Variants in OBI1 observed in about 807,000 individuals in gnomAD.
The protein encoded by OBI1 is ring finger protein 219.
Under a neutral mutation model 62.4 loss-of-function variants are expected in OBI1, and 59 were observed. That is an observed-to-expected ratio of 0.95 (90% CI 0.77 to 1.17). The LOEUF is 1.17. Among genes scored for constraint, OBI1 ranks in the 50% most tolerant of loss-of-function variants. The pLI is 0.00. For synonymous variants in OBI1, 302 were observed against 292.8 expected, an observed-to-expected ratio of 1.03 and a Z score of -0.32; for missense variants, 875 against 830.9, an observed-to-expected ratio of 1.05 and a Z score of -0.65.
intron 2 of OBI1, among the ~76,000 whole-genome samples, chr13:78,644,540 C>A (rs1197430878): frequency 6.6e-6 from 1 of 152,038 alleles, no homozygotes; most frequent in East Asian, 1.9e-4. Context: ...TTATGAAGCC[C>A]TTCTCGGTGT....
At position 78,616,022 on chromosome 13, in the gene OBI1, G is replaced by A. The variant is rs1352280690; in HGVS notation, c.1739C>T (p.Pro580Leu). ...CTCAGTTTTTTCTTCCAACTTATCA[G>A]GTTCCTCAAGAAATTCACTGCCTTG... is the stretch of plus-strand genomic sequence containing the variant. Reference protein sequence around the residue: ...SSQGSEFLEEPDKLEEKTELN... With the variant: ...SSQGSEFLEELDKLEEKTELN... Residue 580 changes from proline (P) to leucine (L), a missense_variant, in exon 6 of 6, where the codon CCT (proline) becomes CTT (leucine). By Grantham distance (98) the Pro-to-Leu change is moderately conservative. Transcript: ENST00000282003. 6.2e-7 allele frequency: 1 copy of A among 1,614,120 alleles called. No homozygotes were observed. Among genetic ancestry groups the A allele is most frequent in the South Asian group, 1.1e-5 (1 of 91,080 alleles).
At chr13:78,627,621 G>A (rs1875714791) in intron 5 of OBI1, among the ~76,000 whole-genome samples, 2 of 152,104 alleles carry the variant, frequency 1.3e-5, no homozygotes, top group South Asian at 4.2e-4. Flanking sequence ...CCTTTTTATG[G>A]CTGCATAGCA....
chr13:78,638,149 G>GTAGGA (rs1252217144), intron 4 of OBI1, among the ~76,000 whole-genome samples: 1 of 152,174 alleles, frequency 6.6e-6, no homozygotes, highest in Non-Finnish European at 1.5e-5. Context: ...AGATGGTGTT[G>GTAGGA]TAGGAGTTGC....
In OBI1 at chr13:78,659,115, A is replaced by C; in HGVS notation, c.6T>G (p.Ala2=). 1.2e-6 allele frequency: 2 copies of C among 1,611,054 alleles called. No homozygotes were observed. Among genetic ancestry groups the C allele is most frequent in the Non-Finnish European group, 1.7e-6 (2 of 1,178,960 alleles). Residue 2 remains alanine (A), a synonymous_variant, in exon 1 of 6, where the codon GCT becomes GCG. Transcript: ENST00000282003. ...ACAATGTAACATTCTGCACGGTCTG[A>C]GCCATGGCAGCGTTCAGAATCCCGC... M[A]QTVQNVTLSL...
chr13:78,646,874 T>C (rs1294536523), intron 1 of OBI1, among the ~76,000 whole-genome samples: 1 of 152,232 alleles, frequency 6.6e-6, no homozygotes, highest in African/African-American at 2.4e-5. Context: ...AAACTCCATT[T>C]TGACCTGTAC....
Position 78,617,003 on chromosome 13 carries a change from T to C in OBI1, c.758A>G (p.Gln253Arg). ...ACTTGAATTTTTTAGCTGTGCAACTTGAGATTCTAGTTCCTCTATATACTT... is the reference window on the plus strand; with the variant it reads ...ACTTGAATTTTTTAGCTGTGCAACTCGAGATTCTAGTTCCTCTATATACTT... ...SDKYIEELES[Q>R]VAQLKNSSEE... The change falls in exon 6 of 6, where the codon CAA becomes CGA. Residue 253 changes from glutamine to arginine, a missense_variant. Transcript: ENST00000282003. 6.2e-7 allele frequency: 1 copy of C among 1,612,284 alleles called. No homozygotes were observed. The highest frequency in any genetic ancestry group is 8.5e-7 in the Non-Finnish European group (1 of 1,178,286).
rs768199217 is a variant in OBI1 at position 78,644,962 on chromosome 13, T to C, written c.108A>G (p.Val36=). The change falls in exon 2 of 6, where the codon GTA becomes GTG. Residue 36 remains valine, a synonymous_variant. Coordinates refer to ENST00000282003, the MANE Select transcript of OBI1 (RefSeq NM_024546.4). ...ACAAATCAATACAAATCGAACAAAA[T>C]ACATGGTTGTTGATGCATATGACAG... ...RQPVICINNH[V]FCSICIDLWL... 13 of 1,613,658 alleles carry C rather than the reference T, an allele frequency of 8.1e-6. No individual in the cohort carries two copies. The highest frequency in any genetic ancestry group is 2.2e-5 in the South Asian group (2 of 91,058).
chr13:78,615,859 T>C lies in OBI1; in HGVS notation c.1902A>G (p.Pro634=). ...EDFSLHSSSC[P]VTNEIKPPSC... ...TTGGGGGTTTGATTTCATTAGTTAC[T>C]GGACAAGAACTGGAATGGAGTGAAA... The change falls in exon 6 of 6, where the codon CCA becomes CCG. Residue 634 remains proline (P), a synonymous_variant. Transcript: ENST00000282003. 6.2e-7 allele frequency: 1 copy of C among 1,614,178 alleles called. No homozygotes were observed.
chr13:78,625,861 G>T (rs973607233), intron 5 of OBI1, among the ~76,000 whole-genome samples: 1 of 152,210 alleles, frequency 6.6e-6, no homozygotes, highest in African/African-American at 2.4e-5. Flanking sequence ...CACCACATTT[G>T]TCAGAGAAGA....
rs28713369 is a variant in OBI1 at position 78,620,923 on chromosome 13, G to C, written c.639-3801C>G. ...CTTGAGCAATTCACTTTGCCTTTCTGGTTCTCAATGGCAATTCCAACAAAA... is the reference window on the plus strand; with the variant it reads ...CTTGAGCAATTCACTTTGCCTTTCTCGTTCTCAATGGCAATTCCAACAAAA... On this transcript the variant is annotated intron_variant, in intron 5 of 5. Coordinates refer to ENST00000282003, the MANE Select transcript of OBI1 (RefSeq NM_024546.4). 7.1e-3 allele frequency among the ~76,000 whole-genome samples: 1,082 copies of C among 152,272 alleles called. 19 individuals carry two copies. The highest frequency in any genetic ancestry group is 0.024 in the African/African-American group (1,014 of 41,542).
chr13:78,640,918 A>T (rs1226630302), intron 3 of OBI1, among the ~76,000 whole-genome samples: 1 of 152,202 alleles, frequency 6.6e-6, no homozygotes, highest in Non-Finnish European at 1.5e-5. Flanking sequence ...TAATATCTGT[A>T]GTTAATTTTG....
At position 78,616,608 on chromosome 13, in the gene OBI1, C is replaced by G; in HGVS notation, c.1153G>C (p.Asp385His). ...CVPYKDEELYDLPAPCTPLSL... is the reference protein window; with the variant it reads ...CVPYKDEELYHLPAPCTPLSL... Reference sequence around the variant, plus strand: ...AAAGGAGTACAAGGAGCTGGAAGATCATAAAGTTCTTCATCTTTGTAGGGT... The same window carrying G: ...AAAGGAGTACAAGGAGCTGGAAGATGATAAAGTTCTTCATCTTTGTAGGGT... The change falls in exon 6 of 6, where the codon GAT becomes CAT. Residue 385 changes from aspartate (D) to histidine (H), a missense_variant. Transcript: ENST00000282003. 1.9e-6 allele frequency: 3 copies of G among 1,614,174 alleles called. No individual in the cohort carries two copies. The highest frequency in any genetic ancestry group is 2.5e-6 in the Non-Finnish European group (3 of 1,180,032).
rs763698288 is a variant in OBI1 at position 78,644,853 on chromosome 13, G to C, written c.208+9C>G. 30 of 1,612,690 alleles carry C rather than the reference G, an allele frequency of 1.9e-5. No homozygotes were observed. Among genetic ancestry groups the C allele is most frequent in the Non-Finnish European group, 2.5e-5 (29 of 1,178,914 alleles). Reference sequence around the variant, plus strand: ...CCTATTCCTATGCATATATAAAACAGGCCCTTACCTATAATTTCTTTGCAA... The same window carrying C: ...CCTATTCCTATGCATATATAAAACACGCCCTTACCTATAATTTCTTTGCAA... On this transcript the variant is annotated intron_variant, in intron 2 of 5. Transcript: ENST00000282003.
intron 1 of OBI1, among the ~76,000 whole-genome samples, chr13:78,647,697 A>G (rs1876426168): frequency 6.6e-6 from 1 of 152,212 alleles, no homozygotes. Context: ...ACTGTTCTTT[A>G]TACTTTGTCT....
chr13:78,647,309 G>A (rs963785614), intron 1 of OBI1, among the ~76,000 whole-genome samples: 3 of 152,228 alleles, frequency 2.0e-5, no homozygotes, highest in Non-Finnish European at 4.4e-5. Flanking sequence ...CCCGGGAATG[G>A]AATGTCTTGG....
chr13:78,638,486 T>A (rs1428915111), intron 4 of OBI1, among the ~76,000 whole-genome samples: 1 of 152,178 alleles, frequency 6.6e-6, no homozygotes, highest in Non-Finnish European at 1.5e-5. Context: ...GGGAAGTCGC[T>A]GATATAAGCT....
intron 5 of OBI1, among the ~76,000 whole-genome samples, chr13:78,634,750 A>G (rs1010431370): frequency 6.6e-6 from 1 of 152,264 alleles, no homozygotes; most frequent in Admixed American, 6.5e-5. Context: ...CTATATGAAC[A>G]TTAACTATTA....
chr13:78,656,791 A>ATTTTT (rs1451945527), intron 1 of OBI1, among the ~76,000 whole-genome samples: 1 of 97,244 alleles, frequency 1.0e-5, no homozygotes, highest in Non-Finnish European at 2.1e-5. Flanking sequence ...TTTTATTTTT[A>ATTTTT]ATTTTTTTTT....
intron 3 of OBI1, among the ~76,000 whole-genome samples, chr13:78,639,992 TTAAAAA>T (rs1876162172): frequency 6.7e-6 from 1 of 150,186 alleles, no homozygotes. Flanking sequence ...TAAAGTATAA[TTAAAAA>T]CAAAAACAAA....
Sources: gnomAD v4.1 joint callset for allele counts (sites outside exome capture counted in the v4.1 genomes callset) on GRCh38, gnomAD v4.1.1 for gene constraint, MANE v1.5 for transcripts, NCBI Gene and HGNC (gene_info 2026-07-23, HGNC 2026-07-21) for gene names.